Variants in TRIO observed in about 807,000 individuals in gnomAD.
The protein encoded by TRIO is triple functional domain protein.
In TRIO, 58 loss-of-function variants were observed where a neutral mutation model predicts 351.9. The ratio of observed to expected loss-of-function variants is 0.16; its 90% CI spans 0.13 to 0.21. The LOEUF (loss-of-function observed/expected upper bound fraction) is 0.21. TRIO is among the 10% of genes least tolerant of loss of function. The pLI, the probability that TRIO is intolerant of heterozygous loss-of-function variation, is 1.00. For missense variants in TRIO, 3,201 were observed against 4,027.8 expected (o/e 0.79, Z 5.56); for synonymous variants, 1,758 against 1,595.7 (o/e 1.10, Z -2.42).
intron 11 of TRIO, among the ~76,000 whole-genome samples, chr5:14,348,907 GT>G (rs1337669034): frequency 6.6e-6 from 1 of 151,508 alleles, no homozygotes; most frequent in Non-Finnish European, 1.5e-5. Context: ...GCATGTTTGT[GT>G]GTGTACGCAC....
chr5:14,143,831 G>C lies in TRIO; in HGVS notation c.106G>C (p.Ala36Pro), dbSNP rs1293204286. ...SGCGGGAGEG[A>P]EEAAKDLADI... ...CTGCGGGGGCGGTGCCGGCGAGGGG[G>C]CAGAGGAGGCGGCCAAGGACCTGGC... Residue 36 changes from alanine to proline, a missense_variant, in exon 1 of 57, where the codon GCA becomes CCA. Transcript: ENST00000344204. 9.3e-6 allele frequency: 10 copies of C among 1,069,668 alleles called. No homozygotes were observed. The East Asian group carries it at 5.8e-4, about 63-fold the overall frequency. The allele number at this position is 1,069,668 out of a possible 1,614,324, so 66.3% of individuals were successfully genotyped here.
intron 18 of TRIO, among the ~76,000 whole-genome samples, chr5:14,369,809 G>C (rs1744923260): frequency 6.6e-6 from 1 of 152,244 alleles, no homozygotes; most frequent in Admixed American, 6.5e-5. Flanking sequence ...GCTGGAGACA[G>C]AGTGATTGAG....
At chr5:14,311,906 C>T (rs1185479678) in intron 8 of TRIO, among the ~76,000 whole-genome samples, 1 of 152,150 alleles carries the variant, frequency 6.6e-6, no homozygotes, top group Non-Finnish European at 1.5e-5. Flanking sequence ...TTTGTTGTAT[C>T]TTGGGAATGC....
chr5:14,366,364 T>C (rs571360886), intron 15 of TRIO, among the ~76,000 whole-genome samples: 1 of 152,282 alleles, frequency 6.6e-6, no homozygotes, highest in South Asian at 2.1e-4. Flanking sequence ...CTGATCATTG[T>C]AGCACAATGT....
intron 1 of TRIO, among the ~76,000 whole-genome samples, chr5:14,217,795 G>C (rs955124349): frequency 3.3e-5 from 5 of 152,172 alleles, no homozygotes; most frequent in African/African-American, 1.2e-4. Flanking sequence ...CGCAGCACGT[G>C]TGGGGCAGTG....
chr5:14,320,818 A>T (rs1739811000), intron 9 of TRIO, among the ~76,000 whole-genome samples: 3 of 152,158 alleles, frequency 2.0e-5, no homozygotes, highest in Non-Finnish European at 4.4e-5. Context: ...ACTAAATTTG[A>T]CTGTGCCAGG....
At chr5:14,505,230 G>C (rs116547863) in intron 55 of TRIO, among the ~76,000 whole-genome samples, 6 of 152,218 alleles carry the variant, frequency 3.9e-5, no homozygotes, top group Non-Finnish European at 8.8e-5. Context: ...GTGGGTTCTC[G>C]TGGAAATGTC....
At chr5:14,200,984 C>T (rs1378878318) in intron 1 of TRIO, among the ~76,000 whole-genome samples, 1 of 151,554 alleles carries the variant, frequency 6.6e-6, no homozygotes, top group Admixed American at 6.6e-5. Flanking sequence ...CTCGGCTGGG[C>T]GCGGTGGCTC....
intron 1 of TRIO, among the ~76,000 whole-genome samples, chr5:14,251,445 T>A (rs564969047): frequency 6.6e-6 from 1 of 152,288 alleles, no homozygotes; most frequent in South Asian, 2.1e-4. Context: ...TACCATGGTC[T>A]TTGGAGAATT....
rs557821323 is a variant in TRIO, at chr5:14,336,445, A to T, written c.1855-91A>T. ...CATGTAAGTGATCAAAAATATCACA[A>T]ATTGACTGTGTTGCTATATATTATG... On this transcript the variant is annotated intron_variant, in intron 10 of 56. Coordinates refer to ENST00000344204, the MANE Select transcript of TRIO (RefSeq NM_007118.4). 40 of 1,306,958 alleles carry T rather than the reference A, an allele frequency of 3.1e-5. No homozygotes were observed. The African/African-American group carries it at 5.8e-4, about 19-fold the overall frequency. The allele number at this position is 1,306,958 out of a possible 1,614,324, so 81.0% of individuals were successfully genotyped here.
intron 49 of TRIO, among the ~76,000 whole-genome samples, chr5:14,495,538 C>G (rs1255271512): frequency 6.6e-6 from 1 of 151,564 alleles, no homozygotes; most frequent in African/African-American, 2.4e-5. Context: ...TTGCCCCAGC[C>G]AGGCCAGGCG....
At chr5:14,280,499 C>T (rs569968913) in intron 3 of TRIO, 63 bp downstream of exon 3, 1 of 1,429,770 alleles carries the variant, frequency 7.0e-7, no homozygotes, top group African/African-American at 1.4e-5. Flanking sequence ...TGGCGCTATA[C>T]TCGTTAGAAA....
In TRIO at chr5:14,205,206, A is replaced by G. The variant is rs394937; in HGVS notation, c.157+61324A>G. 3.0e-3 allele frequency among the ~76,000 whole-genome samples: 451 copies of G among 152,374 alleles called. 2 individuals carry two copies. The highest frequency in any genetic ancestry group is 0.01 in the African/African-American group (433 of 41,588). On this transcript the variant is annotated intron_variant, in intron 1 of 56. Transcript: ENST00000344204. ...CAGGAAGTGTCTGCTTTCTGGCCTC[A>G]GCGCCAGGGAGGTGGAGTTACTTAG...
At chr5:14,204,470 C>T (rs527513586) in intron 1 of TRIO, among the ~76,000 whole-genome samples, 1 of 152,072 alleles carries the variant, frequency 6.6e-6, no homozygotes, top group Non-Finnish European at 1.5e-5. Context: ...AAGGTCCTGG[C>T]ACCCATGGTT....
At chr5:14,344,756 C>G (rs373465985) in intron 11 of TRIO, among the ~76,000 whole-genome samples, 1 of 152,164 alleles carries the variant, frequency 6.6e-6, no homozygotes, top group Non-Finnish European at 1.5e-5. Context: ...TGTCCTCCTC[C>G]GAGTAATAAC....
intron 3 of TRIO, 60 bp downstream of exon 3, chr5:14,280,496 A>G: frequency 2.8e-6 from 4 of 1,447,430 alleles, no homozygotes; most frequent in South Asian, 1.2e-5. Context: ...ATGTGGCGCT[A>G]TACTCGTTAG....
chr5:14,224,101 T>C (rs696289), intron 1 of TRIO, among the ~76,000 whole-genome samples: 8,807 of 152,214 alleles, frequency 0.058, 327 homozygotes, highest in African/African-American at 0.1. Context: ...ATTTTATGTT[T>C]AATTTTATTT....
chr5:14,277,571 C>T (rs987539622), intron 2 of TRIO, among the ~76,000 whole-genome samples: 1 of 152,226 alleles, frequency 6.6e-6, no homozygotes, highest in South Asian at 2.1e-4. Context: ...GTTGATAACA[C>T]ACACACATGA....
intron 34 of TRIO, among the ~76,000 whole-genome samples, chr5:14,458,493 A>T (rs1288409001): frequency 6.6e-6 from 1 of 152,162 alleles, no homozygotes; most frequent in Non-Finnish European, 1.5e-5. Context: ...TCTCAACCCT[A>T]ACAGGGTTTG....
Sources: allele counts gnomAD v4.1 joint callset (sites outside exome capture counted in the v4.1 genomes callset), GRCh38; gene constraint gnomAD v4.1.1; transcripts MANE v1.5; gene names NCBI Gene and HGNC (gene_info 2026-07-23, HGNC 2026-07-21).